Variants in CCDC88A observed in about 807,000 individuals in gnomAD.
CCDC88A encodes the protein coiled-coil and HOOK domain protein 88A.
A neutral mutation model predicts 234.3 loss-of-function variants in CCDC88A; 54 were observed. That is an observed-to-expected ratio of 0.23 (90% CI 0.19 to 0.29). The LOEUF (loss-of-function observed/expected upper bound fraction) is 0.29, where lower values mean the gene tolerates loss of function less well. Ranked by LOEUF, CCDC88A falls within the 10% of genes least tolerant of loss-of-function variation. The pLI, the probability that CCDC88A is intolerant of heterozygous loss-of-function variation, is 1.00. For synonymous variants in CCDC88A, 753 were observed against 737.8 expected, an observed-to-expected ratio of 1.02 and a Z score of -0.33; for missense variants, 1,832 against 2,123.4, an observed-to-expected ratio of 0.86 and a Z score of 2.70.
intron 14 of CCDC88A, among the ~76,000 whole-genome samples, chr2:55,336,202 A>G (rs1373681895): frequency 6.6e-6 from 1 of 152,164 alleles, no homozygotes; most frequent in African/African-American, 2.4e-5. Context: ...TCAAATAAAT[A>G]AATATTTCAA....
intron 29 of CCDC88A, 82 bp downstream of exon 29, chr2:55,299,757 T>C: frequency 3.5e-6 from 3 of 863,008 alleles, no homozygotes; most frequent in East Asian, 4.9e-5. Flanking sequence ...TTTCATGCTT[T>C]ACCCCAGAAA....
rs148635158 is a variant in CCDC88A, at chr2:55,341,002, G to A, written c.1334-1354C>T. ...TCTGGTAACAACCATTTTATTCTCT[G>A]TTTCTATGAGTCTGAATTTTTTTTG... On this transcript the variant is annotated intron_variant, in intron 12 of 32. Coordinates refer to ENST00000436346, the MANE Select transcript of CCDC88A (RefSeq NM_001365480.1). Among the ~76,000 whole-genome samples the A allele has an allele frequency of 6.2e-3, 946 of 151,938 alleles. 7 individuals are homozygous for A. Among genetic ancestry groups the A allele is most frequent in the Admixed American group, 0.01 (159 of 15,256 alleles).
intron 31 of CCDC88A, 158 bp from the exon 32 acceptor site, chr2:55,291,933 C>A (rs117301111): frequency 5.6e-5 from 27 of 483,614 alleles, no homozygotes; most frequent in Admixed American, 1.5e-4. Flanking sequence ...ACTTAAAGAT[C>A]GATTTTTATA....
chr2:55,402,471 T>C (rs1459998070), intron 2 of CCDC88A, among the ~76,000 whole-genome samples: 1 of 152,202 alleles, frequency 6.6e-6, no homozygotes, highest in African/African-American at 2.4e-5. Context: ...TTCTTTGATA[T>C]TACCAAAATT....
intron 17 of CCDC88A, among the ~76,000 whole-genome samples, chr2:55,327,462 G>A (rs2576704): frequency 0.46 from 70,497 of 151,998 alleles, 17,722 homozygotes; most frequent in East Asian, 0.85. Context: ...CACACACCCA[G>A]TGTGAATCTC....
In CCDC88A at chr2:55,307,556, T is replaced by A. The variant is rs183350573; in HGVS notation, c.4387+1253A>T. Among the ~76,000 whole-genome samples the A allele has an allele frequency of 2.0e-3, 303 of 152,160 alleles. 4 individuals carry two copies. The highest frequency in any genetic ancestry group is 6.9e-3 in the African/African-American group (286 of 41,524). ...TTTTAGTAGAGACGGGGTTTCTCCA[T>A]GTTGGTCAGGCTGGTCTCCAACTCC... On this transcript the variant is annotated intron_variant, in intron 25 of 32. Transcript: ENST00000436346.
intron 5 of CCDC88A, among the ~76,000 whole-genome samples, chr2:55,367,776 T>C (rs1023490030): frequency 3.1e-4 from 47 of 152,162 alleles, no homozygotes; most frequent in African/African-American, 1.1e-3. Context: ...CTAACCAAGT[T>C]CAAAACTGGT....
At chr2:55,354,863 G>A (rs1291130873) in intron 8 of CCDC88A, among the ~76,000 whole-genome samples, 2 of 151,682 alleles carry the variant, frequency 1.3e-5, no homozygotes, top group Admixed American at 6.6e-5. Flanking sequence ...CACCGCGCCT[G>A]GCCTATATCC....
intron 3 of CCDC88A, among the ~76,000 whole-genome samples, chr2:55,386,364 C>G (rs985126917): frequency 6.6e-6 from 1 of 152,086 alleles, no homozygotes; most frequent in Non-Finnish European, 1.5e-5. Context: ...CTTTGGGAGG[C>G]TGAGGCAAGA....
chr2:55,315,862 AT>A, intron 22 of CCDC88A, 65 bp downstream of exon 22: 1 of 865,874 alleles, frequency 1.2e-6, no homozygotes, highest in East Asian at 2.7e-5. Flanking sequence ...TAATCTAGTC[AT>A]TTATTTCTTA....
chr2:55,323,353 C>T (rs1363854965), intron 17 of CCDC88A: 1 of 152,164 alleles, frequency 6.6e-6, no homozygotes, highest in East Asian at 1.9e-4. Context: ...TGTATTAAGG[C>T]AGGGATAGAA....
rs567998068 is a variant in CCDC88A at position 55,416,722 on chromosome 2, A to G, written c.164+2094T>C. 9.9e-5 allele frequency among the ~76,000 whole-genome samples: 15 copies of G among 151,712 alleles called. No individual in the cohort carries two copies. In the South Asian group the frequency reaches 3.1e-3, roughly 32 times the overall value. On this transcript the variant is annotated intron_variant, in intron 2 of 32. Coordinates refer to ENST00000436346, the MANE Select transcript of CCDC88A (RefSeq NM_001365480.1). ...GGTATAGAGTTACAACTGACACTTT[A>G]TAATAGAGTACATTAAAGCATACAT...
intron 25 of CCDC88A, among the ~76,000 whole-genome samples, chr2:55,305,018 T>C (rs745440697): frequency 5.3e-5 from 8 of 152,238 alleles, no homozygotes; most frequent in Non-Finnish European, 8.8e-5. Flanking sequence ...TCATAATTCA[T>C]TTAAGCTTTT....
chr2:55,323,183 CTCA>C (rs1388067363), intron 17 of CCDC88A: 1 of 152,208 alleles, frequency 6.6e-6, no homozygotes, highest in East Asian at 1.9e-4. Context: ...TATTAACTTG[CTCA>C]TCATACATGA....
At chr2:55,411,038 A>G (rs1392290130) in intron 2 of CCDC88A, among the ~76,000 whole-genome samples, 4 of 152,226 alleles carry the variant, frequency 2.6e-5, no homozygotes, top group African/African-American at 9.6e-5. Flanking sequence ...TTAAACTTTC[A>G]AGCCCATGTT....
chr2:55,333,205 C>G (rs1685129607), intron 15 of CCDC88A, among the ~76,000 whole-genome samples: 2 of 152,152 alleles, frequency 1.3e-5, no homozygotes, highest in African/African-American at 4.8e-5. Flanking sequence ...CTCAATGCTT[C>G]TTTAGCAGAA....
intron 2 of CCDC88A, among the ~76,000 whole-genome samples, chr2:55,393,719 T>C (rs1432530256): frequency 6.6e-6 from 1 of 152,200 alleles, no homozygotes; most frequent in Admixed American, 6.5e-5. Flanking sequence ...GGACAGTTTA[T>C]TTCCACCTTT....
chr2:55,399,444 C>T (rs2104936220), intron 2 of CCDC88A, among the ~76,000 whole-genome samples: 1 of 149,698 alleles, frequency 6.7e-6, no homozygotes, highest in South Asian at 2.1e-4. Context: ...CAGAGAATTG[C>T]TTGAGCTGGG....
At chr2:55,305,643 T>C (rs142481819) in intron 25 of CCDC88A, among the ~76,000 whole-genome samples, 18 of 152,316 alleles carry the variant, frequency 1.2e-4, no homozygotes, top group Admixed American at 5.2e-4. Flanking sequence ...GGCCAGGAGT[T>C]TGAGACCAGT....
Sources: allele counts gnomAD v4.1 joint callset (sites outside exome capture counted in the v4.1 genomes callset), GRCh38; gene constraint gnomAD v4.1.1; transcripts MANE v1.5; gene names NCBI Gene and HGNC (gene_info 2026-07-23, HGNC 2026-07-21).